The following FOXJ3 variants were observed in gnomAD, a reference collection of about 807,000 sequenced individuals.
FOXJ3 encodes the protein forkhead box J3.
Under a neutral mutation model 76.1 loss-of-function variants are expected in FOXJ3, and 22 were observed. The ratio of observed to expected loss-of-function variants is 0.29; its 90% confidence interval spans 0.21 to 0.41. The LOEUF is 0.41. Ranked by LOEUF, FOXJ3 falls within the 10% of genes least tolerant of loss-of-function variation. The pLI is 1.00. For synonymous variants in FOXJ3, 269 were observed against 261.2 expected (o/e 1.03, Z -0.29); for missense variants, 613 against 762.1 (o/e 0.80, Z 2.30).
At chr1:42,321,118 C>A (rs1655404298) in intron 1 of FOXJ3, among the ~76,000 whole-genome samples, 1 of 152,144 alleles carries the variant, frequency 6.6e-6, no homozygotes, top group Non-Finnish European at 1.5e-5. Context: ...AGTAAACAAA[C>A]CACTGCTGAC....
chr1:42,311,220 C>T (rs1654788611), intron 1 of FOXJ3, 110 bp from the exon 2 acceptor site: 2 of 662,770 alleles, frequency 3.0e-6, no homozygotes, highest in Non-Finnish European at 5.0e-6. Context: ...GAATGTTCTA[C>T]TAAAGAATTC....
chr1:42,196,356 T>C (rs1274507729), intron 7 of FOXJ3, among the ~76,000 whole-genome samples: 12 of 152,208 alleles, frequency 7.9e-5, no homozygotes, highest in Non-Finnish European at 2.9e-5. Flanking sequence ...CATTGCACTG[T>C]TGCTTAGGGA....
At chr1:42,286,773 A>C (rs1406838818) in intron 2 of FOXJ3, among the ~76,000 whole-genome samples, 2 of 151,920 alleles carry the variant, frequency 1.3e-5, no homozygotes, top group Non-Finnish European at 2.9e-5. Context: ...AGCTGGGATT[A>C]CAGGTGTGTG....
At chr1:42,284,788 A>T (rs1348220781) in intron 2 of FOXJ3, among the ~76,000 whole-genome samples, 4 of 152,220 alleles carry the variant, frequency 2.6e-5, no homozygotes, top group Admixed American at 1.3e-4. Flanking sequence ...CTTTATTTCC[A>T]CTAACTTGTG....
At chr1:42,315,007 A>G (rs1655023074) in intron 1 of FOXJ3, among the ~76,000 whole-genome samples, 1 of 152,232 alleles carries the variant, frequency 6.6e-6, no homozygotes, top group Non-Finnish European at 1.5e-5. Flanking sequence ...TTCAGCCATA[A>G]AAAGGAATGA....
At chr1:42,320,129 C>T (rs1415540843) in intron 1 of FOXJ3, among the ~76,000 whole-genome samples, 1 of 152,130 alleles carries the variant, frequency 6.6e-6, no homozygotes, top group Non-Finnish European at 1.5e-5. Flanking sequence ...CTTTTAAAGA[C>T]TGTTTTAACA....
At chr1:42,222,040 GAGAAGGAGAAGAAGA>G (rs1647217221) in intron 5 of FOXJ3, among the ~76,000 whole-genome samples, 4 of 9,094 alleles carry the variant, frequency 4.4e-4, no homozygotes, top group African/African-American at 9.3e-4. Context: ...GGAGGAGAAG[GAGAAGGAGAAGAAGA>G]AGAAGAAGAA....
intron 5 of FOXJ3, among the ~76,000 whole-genome samples, chr1:42,217,194 T>C (rs1647087622): frequency 6.6e-6 from 1 of 152,160 alleles, no homozygotes; most frequent in African/African-American, 2.4e-5. Flanking sequence ...TTAATTATAT[T>C]TTTATATACT....
intron 4 of FOXJ3, among the ~76,000 whole-genome samples, chr1:42,252,499 T>C (rs976008605): frequency 1.3e-5 from 2 of 152,192 alleles, no homozygotes; most frequent in African/African-American, 4.8e-5. Context: ...TGCGTCTATT[T>C]GATTCTTCTC....
At chr1:42,286,636 A>T (rs1021716366) in intron 2 of FOXJ3, among the ~76,000 whole-genome samples, 5 of 152,086 alleles carry the variant, frequency 3.3e-5, no homozygotes, top group South Asian at 2.1e-4. Context: ...GGTTTCCTAA[A>T]TTTTTTTTCT....
chr1:42,196,321 T>A (rs1325420606), intron 7 of FOXJ3, among the ~76,000 whole-genome samples: 1 of 152,148 alleles, frequency 6.6e-6, no homozygotes, highest in African/African-American at 2.4e-5. Flanking sequence ...ACTATATAGA[T>A]GTGATAAACC....
chr1:42,242,286 A>T (rs1649205537), intron 4 of FOXJ3, among the ~76,000 whole-genome samples: 1 of 152,128 alleles, frequency 6.6e-6, no homozygotes, highest in African/African-American at 2.4e-5. Context: ...ATTAAATACC[A>T]GAAAAGAAAT....
At chr1:42,196,824 C>G (rs891306492) in intron 7 of FOXJ3, among the ~76,000 whole-genome samples, 23 of 152,152 alleles carry the variant, frequency 1.5e-4, no homozygotes, top group African/African-American at 5.1e-4. Context: ...TTTAATTTGT[C>G]CTTTTATAAT....
At chr1:42,193,582 TG>T (rs1646592322) in intron 8 of FOXJ3, among the ~76,000 whole-genome samples, 1 of 152,128 alleles carries the variant, frequency 6.6e-6, no homozygotes, top group South Asian at 2.1e-4. Context: ...GGAAAACATA[TG>T]AATCTTACTT....
chr1:42,199,026 G>T, intron 7 of FOXJ3, 76 bp downstream of exon 7: 3 of 1,168,200 alleles, frequency 2.6e-6, no homozygotes, highest in East Asian at 2.4e-5. Context: ...TTTTAAATTT[G>T]CATTTCAATT....
At chr1:42,255,798 A>C (rs1178348634) in intron 4 of FOXJ3, among the ~76,000 whole-genome samples, 2 of 152,130 alleles carry the variant, frequency 1.3e-5, no homozygotes, top group Non-Finnish European at 2.9e-5. Context: ...CGAGGCAGGC[A>C]GATCACAAGG....
intron 3 of FOXJ3, among the ~76,000 whole-genome samples, chr1:42,275,703 G>A (rs566014153): frequency 3.5e-4 from 53 of 152,214 alleles, no homozygotes; most frequent in African/African-American, 1.2e-3. Context: ...TTTAAAAAAA[G>A]AAAGTTGAAT....
intron 3 of FOXJ3, among the ~76,000 whole-genome samples, chr1:42,274,639 A>G (rs939153035): frequency 1.3e-5 from 2 of 152,210 alleles, no homozygotes; most frequent in Non-Finnish European, 2.9e-5. Context: ...TGTGTGGCCT[A>G]AAGAGACAAT....
At chr1:42,241,364 C>T (rs371589683) in intron 4 of FOXJ3, among the ~76,000 whole-genome samples, 16 of 152,254 alleles carry the variant, frequency 1.1e-4, no homozygotes, top group African/African-American at 1.7e-4. Context: ...CCCCAAACAC[C>T]GCTCCAGCTA....
Sources: gnomAD v4.1 joint callset for allele counts (sites outside exome capture counted in the v4.1 genomes callset) on GRCh38, gnomAD v4.1.1 for gene constraint, MANE v1.5 for transcripts, NCBI Gene and HGNC (gene_info 2026-07-23, HGNC 2026-07-21) for gene names.